Variants in MAT2B observed in about 807,000 individuals in gnomAD.
The protein encoded by MAT2B is methionine adenosyltransferase 2 subunit beta.
In MAT2B, 16 loss-of-function variants were observed where a neutral mutation model predicts 36.1. That is an observed-to-expected ratio of 0.44 (90% confidence interval 0.30 to 0.67). The LOEUF is 0.67. Among genes scored for constraint, MAT2B ranks in the 30% least tolerant of loss-of-function variants. The pLI, the probability that MAT2B is intolerant of heterozygous loss-of-function variation, is 0.09. For missense variants in MAT2B, 332 were observed against 398.2 expected (o/e 0.83, Z 1.42); for synonymous variants, 148 against 136.9 (o/e 1.08, Z -0.57).
intron 1 of MAT2B, 138 bp downstream of exon 1, chr5:163,505,887 C>T (rs979854767): frequency 6.9e-6 from 4 of 580,428 alleles, no homozygotes; most frequent in Non-Finnish European, 1.0e-5. Context: ...CGCCACCCTC[C>T]CAGCCCCGGA....
intron 4 of MAT2B, among the ~76,000 whole-genome samples, chr5:163,515,770 CTTT>C (rs66978639): frequency 1.0e-3 from 71 of 69,806 alleles, no homozygotes; most frequent in South Asian, 1.5e-3. Context: ...TTGCCTTTTT[CTTT>C]TTTTTTTTTT....
upstream of MAT2B, chr5:163,505,442 T>G: frequency 2.0e-6 from 2 of 1,002,344 alleles, no homozygotes; most frequent in Non-Finnish European, 2.6e-6. Flanking sequence ...GCCTTTCTTT[T>G]GTGTGTCGCT....
chr5:163,518,502 C>G lies in MAT2B; in HGVS notation c.*139C>G. 1 of 638,688 alleles carries G rather than the reference C, an allele frequency of 1.6e-6. No individual in the cohort carries two copies. Among genetic ancestry groups the G allele is most frequent in the South Asian group, 2.8e-5 (1 of 35,376 alleles). The allele number at this position is 638,688 out of a possible 1,614,324, so 39.6% of individuals were successfully genotyped here. ...CTTTCAGGTAAATGATGCTCTTGCA[C>G]TAGTGAAATTGTCTAAAGAAACTAA... On this transcript the variant is annotated 3_prime_UTR_variant, in exon 7 of 7. Coordinates refer to ENST00000321757, the MANE Select transcript of MAT2B (RefSeq NM_013283.5).
At chr5:163,510,393 G>GTTT (rs1760018178) in intron 1 of MAT2B, among the ~76,000 whole-genome samples, 1 of 129,602 alleles carries the variant, frequency 7.7e-6, no homozygotes, top group Admixed American at 7.4e-5. Context: ...ATTAGTTTTA[G>GTTT]CTTTTTTTTT....
intron 1 of MAT2B, among the ~76,000 whole-genome samples, chr5:163,507,745 C>G (rs1759969371): frequency 6.6e-6 from 1 of 152,086 alleles, no homozygotes; most frequent in Non-Finnish European, 1.5e-5. Flanking sequence ...ACCAAAAAGC[C>G]TCAACAAAAC....
rs1003333906 is a variant in MAT2B, at chr5:163,505,624, C to G, written c.-63C>G. 2 of 1,251,002 alleles carry G rather than the reference C, an allele frequency of 1.6e-6. No homozygotes were observed. The highest frequency in any genetic ancestry group is 4.2e-5 in the Admixed American group (1 of 23,822). 77.5% of individuals were successfully genotyped at this position (1,251,002 alleles called of 1,614,324 possible). A position where few individuals can be genotyped will look rare whatever the true frequency, so the allele number is the denominator to read the frequency against. ...GGGCCGAGGGCGTCTGAGCTGAGGCCCGCGTCGATCCTGGGTTGGAGGAGG... is the reference window on the plus strand; with the variant it reads ...GGGCCGAGGGCGTCTGAGCTGAGGCGCGCGTCGATCCTGGGTTGGAGGAGG... On this transcript the variant is annotated 5_prime_UTR_variant, in exon 1 of 7. Transcript: ENST00000321757.
At position 163,505,793 on chromosome 5, in the gene MAT2B, C is replaced by T. The variant is rs1297261409; in HGVS notation, c.63+44C>T. 2.4e-6 allele frequency: 3 copies of T among 1,242,162 alleles called. No homozygotes were observed. In the Admixed American group the frequency reaches 1.3e-4, roughly 52 times the overall value. The allele number at this position is 1,242,162 out of a possible 1,614,324, so 76.9% of individuals were successfully genotyped here. ...GCGTCTCCGGTGGGAGCGGGGGCGC[C>T]GAGGGGGACGAGCCACCGGGGCTCG... is the stretch of plus-strand genomic sequence containing the variant. On this transcript the variant is annotated intron_variant, in intron 1 of 6. Transcript: ENST00000321757.
intron 1 of MAT2B, among the ~76,000 whole-genome samples, chr5:163,509,458 A>G (rs1472376): frequency 0.74 from 112,515 of 152,088 alleles, 43,383 homozygotes; most frequent in East Asian, 0.93. Context: ...GATGATCAGC[A>G]TCACTTGTTG....
At position 163,505,626 on chromosome 5, in the gene MAT2B, G is replaced by C. The variant is rs1034750183; in HGVS notation, c.-61G>C. 20 of 1,251,378 alleles carry C rather than the reference G, an allele frequency of 1.6e-5. No individual in the cohort carries two copies. Among genetic ancestry groups the C allele is most frequent in the Non-Finnish European group, 1.8e-5 (18 of 989,528 alleles). The allele number at this position is 1,251,378 out of a possible 1,614,324, so 77.5% of individuals were successfully genotyped here. ...GCCGAGGGCGTCTGAGCTGAGGCCC[G>C]CGTCGATCCTGGGTTGGAGGAGGTG... On this transcript the variant is annotated 5_prime_UTR_variant, in exon 1 of 7. Transcript: ENST00000321757.
intron 2 of MAT2B, chr5:163,512,972 C>A (rs1174129044): frequency 4.6e-6 from 1 of 216,064 alleles, no homozygotes; most frequent in Admixed American, 5.4e-5. Context: ...TGAGCCACCG[C>A]GCCCAGCCTA....
intron 2 of MAT2B, chr5:163,512,903 A>C: frequency 3.7e-6 from 1 of 270,672 alleles, no homozygotes; most frequent in Non-Finnish European, 7.3e-6. Flanking sequence ...CTGGTCTTGA[A>C]CTCCTGACCT....
chr5:163,517,737 G>C, intron 6 of MAT2B, 63 bp downstream of exon 6: 1 of 1,024,554 alleles, frequency 9.8e-7, no homozygotes, highest in East Asian at 2.4e-5. Context: ...TGCTGTGTTG[G>C]GTAACTTCAT....
chr5:163,507,866 A>T (rs1394613093), intron 1 of MAT2B, among the ~76,000 whole-genome samples: 1 of 152,246 alleles, frequency 6.6e-6, no homozygotes, highest in Non-Finnish European at 1.5e-5. Flanking sequence ...TACCTTATTT[A>T]AGTAAACGAA....
At chr5:163,503,533 A>T, upstream of MAT2B, 1 of 1,019,660 alleles carries the variant, frequency 9.8e-7, no homozygotes, top group South Asian at 1.3e-5. Context: ...GAAAATAGAA[A>T]CGGGTGTCAT....
intron 1 of MAT2B, among the ~76,000 whole-genome samples, chr5:163,511,340 A>G (rs551906138): frequency 1.3e-4 from 20 of 150,510 alleles, no homozygotes; most frequent in Non-Finnish European, 2.8e-4. Flanking sequence ...ATCTCTGCTT[A>G]TTACAGCCTT....
At chr5:163,512,486 TCA>T in intron 2 of MAT2B, 1 of 453,384 alleles carries the variant, frequency 2.2e-6, no homozygotes, top group Non-Finnish European at 4.0e-6. Context: ...ACTGTAAACC[TCA>T]CAACACTGCA....
rs1760134536 is a variant in MAT2B at position 163,516,466 on chromosome 5, C to G, written c.527-52C>G. On this transcript the variant is annotated intron_variant, in intron 4 of 6. Coordinates refer to ENST00000321757, the MANE Select transcript of MAT2B (RefSeq NM_013283.5). ...AAATCCACACCCTTGTATCTTACAT[C>G]AAAATTTAAGAATCAGTCAGCTTTA... The G allele has an allele frequency of 4.0e-6, 6 of 1,481,750 alleles. No homozygotes were observed. The African/African-American group carries it at 4.2e-5, about 10-fold the overall frequency. 91.8% of individuals were successfully genotyped at this position (1,481,750 alleles called of 1,614,324 possible). A position where few individuals can be genotyped will look rare whatever the true frequency, so the allele number is the denominator to read the frequency against.
At chr5:163,510,318 AATTT>A (rs150325987) in intron 1 of MAT2B, among the ~76,000 whole-genome samples, 33,177 of 151,312 alleles carry the variant, frequency 0.22, 3,786 homozygotes, top group Non-Finnish European at 0.25. Context: ...TGTGTGTAAT[AATTT>A]ATTTGTTTCA....
At chr5:163,512,314 A>G in intron 2 of MAT2B, 118 bp downstream of exon 2, 1 of 869,516 alleles carries the variant, frequency 1.2e-6, no homozygotes, top group East Asian at 2.5e-5. Context: ...AAGTTGTATT[A>G]TGCAGTAGCA....
Sources: allele counts gnomAD v4.1 joint callset (sites outside exome capture counted in the v4.1 genomes callset), GRCh38; gene constraint gnomAD v4.1.1; transcripts MANE v1.5; gene names NCBI Gene and HGNC (gene_info 2026-07-23, HGNC 2026-07-21).